Variants in IL12RB1 observed in about 807,000 individuals in gnomAD.
IL12RB1 encodes interleukin-12 receptor subunit beta-1.
IL12RB1 carries 64 observed loss-of-function variants against 94.4 expected under a neutral mutation model. The ratio of observed to expected loss-of-function variants is 0.68; its 90% confidence interval spans 0.55 to 0.83. The LOEUF is 0.83. Ranked by LOEUF, IL12RB1 falls within the 40% of genes least tolerant of loss-of-function variation. IL12RB1 has a pLI of 0.00. For missense variants in IL12RB1, 814 were observed against 855.6 expected (o/e 0.95, Z 0.61); for synonymous variants, 362 against 355.5 (o/e 1.02, Z -0.21).
Position 18,072,226 on chromosome 19 carries a change from G to A in IL12RB1, c.907C>T (p.Leu303=), listed in dbSNP as rs754292347. 26 of 1,614,108 alleles carry A rather than the reference G, an allele frequency of 1.6e-5. No homozygotes were observed. Among genetic ancestry groups the A allele is most frequent in the Non-Finnish European group, 1.9e-5 (22 of 1,179,956 alleles). ...CCCGAGAGATAGGGCATCTTCCCCA[G>A]GTGCAGGGTCCTGGTGGCCTTGGCC... The part of the protein sequence containing the change: ...CKAKATRTLH[L]GKMPYLSGAA... The change falls in exon 9 of 17, where the codon CTG becomes TTG. Residue 303 remains leucine (L), a synonymous_variant. Transcript: ENST00000593993.
chr19:18,095,341 T>C lies in IL12RB1; in HGVS notation c.-230+3414A>G, dbSNP rs577152561. Among the ~76,000 whole-genome samples, 94 of 152,282 alleles carry C rather than the reference T, an allele frequency of 6.2e-4. 2 individuals carry two copies. The South Asian group carries it at 0.015, about 25-fold the overall frequency. On this transcript the variant is annotated intron_variant, in intron 1 of 4. Transcript: ENST00000594176. Reference sequence around the variant, plus strand: ...TGTACATATATACAATGGAATATTATTTGGTCATGAAACGGAATGAAGTAC... The same window carrying C: ...TGTACATATATACAATGGAATATTACTTGGTCATGAAACGGAATGAAGTAC...
chr19:18,064,061 G>A lies in IL12RB1; in HGVS notation c.1484-51C>T. 3 of 1,394,680 alleles carry A rather than the reference G, an allele frequency of 2.2e-6. No individual in the cohort carries two copies. In the South Asian group the frequency reaches 3.5e-5, roughly 16 times the overall value. 86.4% of individuals were successfully genotyped at this position (1,394,680 alleles called of 1,614,324 possible). A position where few individuals can be genotyped will look rare whatever the true frequency, so the allele number is the denominator to read the frequency against. On this transcript the variant is annotated intron_variant, in intron 12 of 16. Coordinates refer to ENST00000593993, the MANE Select transcript of IL12RB1 (RefSeq NM_005535.3). ...TCCTGGGACCTCTTTACTCCTCAGA[G>A]GCCAGGCTGGGCTACCACAGCCTGT...
At chr19:18,095,007 C>T (rs1370587009) in intron 1 of IL12RB1, among the ~76,000 whole-genome samples, 6 of 151,988 alleles carry the variant, frequency 3.9e-5, no homozygotes, top group Admixed American at 1.3e-4. Context: ...GTGAAACCCC[C>T]GTCTCTACTA....
chr19:18,069,805 C>T lies in IL12RB1; in HGVS notation c.1022-92G>A, dbSNP rs192110405. The T allele has an allele frequency of 5.0e-4, 469 of 940,998 alleles. 8 individuals carry two copies. In the East Asian group the frequency reaches 6.8e-3, roughly 14 times the overall value. The allele number at this position is 940,998 out of a possible 1,614,324, so 58.3% of individuals were successfully genotyped here. ...TCCTGCAGCCTCTCTCCCACCCTCT[C>T]GTCTATACCCCTGACCCTACAGGGC... is the stretch of plus-strand genomic sequence containing the variant. On this transcript the variant is annotated intron_variant, in intron 9 of 16. Coordinates refer to ENST00000593993, the MANE Select transcript of IL12RB1 (RefSeq NM_005535.3).
At chr19:18,084,247 G>A (rs376272797) in intron 1 of IL12RB1, among the ~76,000 whole-genome samples, 110 of 111,438 alleles carry the variant, frequency 9.9e-4, no homozygotes, top group African/African-American at 3.6e-3. Flanking sequence ...ATCCATCCAC[G>A]TATTCATCCA....
chr19:18,080,710 A>C (rs1599546677), intron 4 of IL12RB1, 122 bp downstream of exon 4: 1 of 777,134 alleles, frequency 1.3e-6, no homozygotes, highest in Non-Finnish European at 2.4e-6. Flanking sequence ...CACTACGTGA[A>C]GTGACAATGG....
intron 4 of IL12RB1, among the ~76,000 whole-genome samples, chr19:18,079,616 T>A (rs2035733186): frequency 6.6e-6 from 1 of 151,806 alleles, no homozygotes; most frequent in Admixed American, 6.6e-5. Flanking sequence ...TTTAAGATTA[T>A]ACATGTAAGT....
intron 15 of IL12RB1, 127 bp downstream of exon 15, chr19:18,060,995 G>T: frequency 1.5e-6 from 1 of 687,440 alleles, no homozygotes; most frequent in Non-Finnish European, 2.7e-6. Context: ...ATGGGAAGGG[G>T]TATGGAGCAC....
chr19:18,075,000 C>T (rs1198157669), intron 7 of IL12RB1, among the ~76,000 whole-genome samples: 2 of 151,110 alleles, frequency 1.3e-5, no homozygotes, highest in South Asian at 2.1e-4. Flanking sequence ...TGCAGTGAGC[C>T]GAGATGGCGC....
At chr19:18,082,869 G>T (rs772227113) in intron 2 of IL12RB1, among the ~76,000 whole-genome samples, 1 of 152,112 alleles carries the variant, frequency 6.6e-6, no homozygotes, top group Admixed American at 6.6e-5. Context: ...CATCACCTGA[G>T]CTCAGGAGTT....
intron 5 of IL12RB1, among the ~76,000 whole-genome samples, chr19:18,077,178 C>T (rs1168113045): frequency 1.3e-5 from 2 of 151,976 alleles, no homozygotes; most frequent in Admixed American, 6.6e-5. Context: ...GCCCACATGG[C>T]GAAACCCCGT....
intron 1 of IL12RB1, among the ~76,000 whole-genome samples, chr19:18,095,264 G>A (rs1056924519): frequency 6.6e-6 from 1 of 152,132 alleles, no homozygotes; most frequent in Non-Finnish European, 1.5e-5. Context: ...CTACCAAAAT[G>A]TGAAAAAATC....
At position 18,059,593 on chromosome 19, in the gene IL12RB1, TC is replaced by T. The variant is rs760492840; in HGVS notation, c.*14del. 4 of 780,444 alleles carry T rather than the reference TC, an allele frequency of 5.1e-6. No homozygotes were observed. The East Asian group carries it at 9.7e-5, about 19-fold the overall frequency. The allele number at this position is 780,444 out of a possible 1,614,324, so 48.3% of individuals were successfully genotyped here. On this transcript the variant is annotated 3_prime_UTR_variant, in exon 17 of 17. Transcript: ENST00000593993. The stretch of plus-strand genomic sequence containing the variant: ...AGCCTCGGGCGAGTCACTCACCCTC[TC>T]TGAGCCTCAACGATCACATCTGTAA...
chr19:18,097,344 AT>A (rs971182060), intron 1 of IL12RB1, among the ~76,000 whole-genome samples: 24 of 148,820 alleles, frequency 1.6e-4, no homozygotes, highest in African/African-American at 4.7e-4. Context: ...CCCCCAAGTA[AT>A]TTTTTTTTTG....
intron 7 of IL12RB1, 59 bp from the exon 8 acceptor site, chr19:18,073,658 T>C: frequency 9.8e-7 from 1 of 1,016,560 alleles, no homozygotes; most frequent in Non-Finnish European, 1.6e-6. Context: ...TGATGGATGT[T>C]TTCTTTGTAA....
chr19:18,069,539 C>T lies in IL12RB1; in HGVS notation c.1189+7G>A. Reference sequence around the variant, plus strand: ...AGGGGTAGGCGCAGGCCATTCCAGGCCATTACCCATTCCAGCCGGATCCGG... The same window carrying T: ...AGGGGTAGGCGCAGGCCATTCCAGGTCATTACCCATTCCAGCCGGATCCGG... On this transcript the variant is annotated splice_region_variant and intron_variant, in intron 10 of 16. Transcript: ENST00000593993. 3.7e-6 allele frequency: 6 copies of T among 1,603,940 alleles called. No individual in the cohort carries two copies. The East Asian group carries it at 1.3e-4, about 36-fold the overall frequency.
intron 14 of IL12RB1, among the ~76,000 whole-genome samples, chr19:18,061,514 G>A (rs2034126093): frequency 6.6e-6 from 1 of 152,102 alleles, no homozygotes; most frequent in African/African-American, 2.4e-5. Context: ...ACAGGAGTGA[G>A]CCACCGTGCC....
chr19:18,097,794 T>G, intron 1 of IL12RB1: 1 of 1,220,958 alleles, frequency 8.2e-7, no homozygotes, highest in Non-Finnish European at 1.0e-6. Context: ...TCCCGGGCCA[T>G]GGACGAGTCG....
chr19:18,059,312 C>A lies in IL12RB1; in HGVS notation c.*296G>T. ...TGGGGGTGGATGCCCAGCCCAGGGT[C>A]CAGGGATCCATCTGAGCCCCCCTTG... is the stretch of plus-strand genomic sequence containing the variant. On this transcript the variant is annotated 3_prime_UTR_variant, in exon 17 of 17. Transcript: ENST00000593993. 1 of 532,772 alleles carries A rather than the reference C, an allele frequency of 1.9e-6. No homozygotes were observed. Among genetic ancestry groups the A allele is most frequent in the Non-Finnish European group, 3.4e-6 (1 of 293,614 alleles). The allele number at this position is 532,772 out of a possible 1,614,324, so 33.0% of individuals were successfully genotyped here.
Sources: allele counts gnomAD v4.1 joint callset (sites outside exome capture counted in the v4.1 genomes callset), GRCh38; gene constraint gnomAD v4.1.1; transcripts MANE v1.5; gene names NCBI Gene and HGNC (gene_info 2026-07-23, HGNC 2026-07-21).